Variants in CTNND2 observed in about 807,000 individuals in gnomAD.
CTNND2 encodes the protein catenin delta 2.
In CTNND2, 22 loss-of-function variants were observed where a neutral mutation model predicts 144.4. The observed-to-expected ratio is 0.15, with a 90% CI of 0.11 to 0.22. The LOEUF (loss-of-function observed/expected upper bound fraction) is 0.22. Among genes scored for constraint, CTNND2 ranks in the 10% least tolerant of loss-of-function variants. CTNND2 has a pLI of 1.00. For missense variants in CTNND2, 1,353 were observed against 1,618.8 expected (o/e 0.84, Z 2.82); for synonymous variants, 751 against 695.6 (o/e 1.08, Z -1.25).
chr5:11,409,150 T>C (rs567325190), intron 5 of CTNND2, among the ~76,000 whole-genome samples: 5 of 152,186 alleles, frequency 3.3e-5, no homozygotes, highest in Admixed American at 3.3e-4. Context: ...GTAAATGCTA[T>C]GCAATTTTCT....
At chr5:11,279,619 G>A (rs32099) in intron 9 of CTNND2, among the ~76,000 whole-genome samples, 16,644 of 152,194 alleles carry the variant, frequency 0.11, 1,008 homozygotes, top group Admixed American at 0.17. Flanking sequence ...CATTAGATTA[G>A]ACGATTCATC....
chr5:11,298,104 C>T (rs913373740), intron 9 of CTNND2, among the ~76,000 whole-genome samples: 12 of 152,140 alleles, frequency 7.9e-5, no homozygotes, highest in Admixed American at 1.3e-4. Flanking sequence ...TAAAACTTTA[C>T]GCCCTATGAA....
chr5:11,188,171 T>G (rs891275494), intron 11 of CTNND2, among the ~76,000 whole-genome samples: 3 of 152,178 alleles, frequency 2.0e-5, no homozygotes, highest in Non-Finnish European at 4.4e-5. Flanking sequence ...ACTGCAGTAC[T>G]AGTCACAATA....
chr5:11,217,781 G>C (rs1739349343), intron 10 of CTNND2, among the ~76,000 whole-genome samples: 1 of 152,148 alleles, frequency 6.6e-6, no homozygotes, highest in Admixed American at 6.5e-5. Context: ...GGTGGACTCT[G>C]GTGGTCAGTA....
At chr5:11,496,822 A>C (rs945084343) in intron 3 of CTNND2, among the ~76,000 whole-genome samples, 3 of 152,152 alleles carry the variant, frequency 2.0e-5, no homozygotes, top group Non-Finnish European at 4.4e-5. Context: ...AGGTTCTTCA[A>C]CATCAAAGAA....
At chr5:11,323,032 C>T (rs1020240233) in intron 9 of CTNND2, among the ~76,000 whole-genome samples, 7 of 152,064 alleles carry the variant, frequency 4.6e-5, no homozygotes, top group Admixed American at 1.3e-4. Flanking sequence ...GTTTACCACA[C>T]ATTTGTTTGT....
At chr5:11,772,676 CT>C (rs1280845575) in intron 1 of CTNND2, among the ~76,000 whole-genome samples, 1 of 152,160 alleles carries the variant, frequency 6.6e-6, no homozygotes, top group Non-Finnish European at 1.5e-5. Context: ...GTCCTGTGAT[CT>C]TTTGGCCACT....
intron 11 of CTNND2, among the ~76,000 whole-genome samples, chr5:11,164,005 A>C (rs1221127489): frequency 7.2e-5 from 11 of 152,132 alleles, no homozygotes; most frequent in Non-Finnish European, 1.5e-4. Flanking sequence ...GGCTCCTTCC[A>C]GAGGATCCCG....
chr5:11,656,362 T>G (rs916064167), intron 2 of CTNND2, among the ~76,000 whole-genome samples: 13 of 151,948 alleles, frequency 8.6e-5, no homozygotes, highest in Non-Finnish European at 1.8e-4. Context: ...ACCTCTACCT[T>G]TGTTCAGCCC....
At chr5:11,651,862 A>G (rs1782660115) in intron 2 of CTNND2, among the ~76,000 whole-genome samples, 1 of 152,214 alleles carries the variant, frequency 6.6e-6, no homozygotes, top group South Asian at 2.1e-4. Context: ...TTGGAAGTCA[A>G]TAATTTGTTT....
chr5:11,706,328 G>T (rs180793745), intron 2 of CTNND2, among the ~76,000 whole-genome samples: 7 of 152,240 alleles, frequency 4.6e-5, no homozygotes, highest in Admixed American at 4.6e-4. Context: ...ATTTCCATTG[G>T]TGTGATCACT....
intron 1 of CTNND2, among the ~76,000 whole-genome samples, chr5:11,845,919 C>T (rs1581993062): frequency 2.6e-5 from 4 of 152,190 alleles, no homozygotes; most frequent in South Asian, 2.1e-4. Context: ...TAAATCAAGA[C>T]ATCTAAAATG....
chr5:11,888,149 T>C (rs13187926), intron 1 of CTNND2, among the ~76,000 whole-genome samples: 30,969 of 152,126 alleles, frequency 0.2, 3,464 homozygotes, highest in Admixed American at 0.28. Context: ...AGAATAATCA[T>C]ATGACATTTC....
chr5:11,371,983 G>C (rs990307666), intron 7 of CTNND2, among the ~76,000 whole-genome samples: 2 of 152,094 alleles, frequency 1.3e-5, no homozygotes, highest in African/African-American at 4.8e-5. Context: ...TTTCATAAAT[G>C]TTAGATTTTC....
chr5:11,895,802 A>C (rs1360739270), intron 1 of CTNND2, among the ~76,000 whole-genome samples: 1 of 152,230 alleles, frequency 6.6e-6, no homozygotes, highest in Non-Finnish European at 1.5e-5. Flanking sequence ...AAGATATAAA[A>C]AGATAATTCA....
chr5:11,683,659 A>G (rs192286081), intron 2 of CTNND2, among the ~76,000 whole-genome samples: 1 of 152,228 alleles, frequency 6.6e-6, no homozygotes, highest in Non-Finnish European at 1.5e-5. Context: ...AAACTAATGC[A>G]TATCTTCTTG....
At chr5:11,385,786 A>G (rs963842164) in intron 6 of CTNND2, 3 of 152,084 alleles carry the variant, frequency 2.0e-5, no homozygotes, top group Non-Finnish European at 4.4e-5. Flanking sequence ...TGTCGCGTGG[A>G]TTCTTCTTTT....
intron 15 of CTNND2, 79 bp downstream of exon 15, chr5:11,098,496 T>C (rs1751577489): frequency 9.2e-6 from 12 of 1,307,154 alleles, no homozygotes; most frequent in Non-Finnish European, 1.1e-5. Flanking sequence ...GTTGCATTTC[T>C]CAAAACTGGA....
intron 15 of CTNND2, among the ~76,000 whole-genome samples, chr5:11,095,497 C>T (rs908798443): frequency 1.3e-5 from 2 of 152,172 alleles, no homozygotes; most frequent in African/African-American, 4.8e-5. Flanking sequence ...ACACTGCAAC[C>T]CTCAAGGAAG....
Sources: allele counts gnomAD v4.1 joint callset (sites outside exome capture counted in the v4.1 genomes callset), GRCh38; gene constraint gnomAD v4.1.1; transcripts MANE v1.5; gene names NCBI Gene and HGNC (gene_info 2026-07-23, HGNC 2026-07-21).